PRIM2: variants seen among roughly 807,000 people sequenced by gnomAD.
PRIM2 encodes the protein DNA primase subunit 2.
Under a neutral mutation model 67.3 loss-of-function variants are expected in PRIM2, and 39 were observed. The observed-to-expected ratio is 0.58, with a 90% CI of 0.45 to 0.76. The LOEUF (loss-of-function observed/expected upper bound fraction) is 0.76. PRIM2 is among the 30% of genes least tolerant of loss of function. The probability of loss-of-function intolerance (pLI) is 0.00; values close to 1 mark genes in which losing one functional copy is unlikely to be tolerated. For missense variants in PRIM2, 398 were observed against 598.7 expected, an observed-to-expected ratio of 0.66 and a Z score of 3.50; for synonymous variants, 143 against 198.7, an observed-to-expected ratio of 0.72 and a Z score of 2.36.
intron 7 of PRIM2, among the ~76,000 whole-genome samples, chr6:57,439,404 GTTTTTTTTTT>G (rs149436085): frequency 2.8e-3 from 161 of 57,038 alleles, no homozygotes; most frequent in African/African-American, 8.3e-3. Flanking sequence ...GAGGTACTCT[GTTTTTTTTTT>G]TTTTTTTTTT....
chr6:57,606,367 G>C lies in PRIM2; in HGVS notation c.1148-8G>C. On this transcript the variant is annotated splice_polypyrimidine_tract_variant and splice_region_variant and intron_variant, in intron 11 of 13. Coordinates refer to ENST00000615550, the MANE Select transcript of PRIM2 (RefSeq NM_000947.5). ...TTGTTTGTGTGCTGGCTTATTTTTTGTTGTCAGGGTGCCCATTCCGTCACA... is the reference window on the plus strand; with the variant it reads ...TTGTTTGTGTGCTGGCTTATTTTTTCTTGTCAGGGTGCCCATTCCGTCACA... The C allele has an allele frequency of 5.0e-6, 8 of 1,586,428 alleles. No homozygotes were observed. Among genetic ancestry groups the C allele is most frequent in the Non-Finnish European group, 6.0e-6 (7 of 1,162,886 alleles).
the PRIM2 span, among the ~76,000 whole-genome samples, chr6:57,308,365 C>A: frequency 1.3e-5 from 2 of 152,136 alleles, no homozygotes; most frequent in East Asian, 3.8e-4. Flanking sequence ...TCCAGTGTTC[C>A]ACCCTCCTCA....
At chr6:57,477,280 A>G (rs1382683833) in intron 7 of PRIM2, among the ~76,000 whole-genome samples, 1 of 152,204 alleles carries the variant, frequency 6.6e-6, no homozygotes, top group Non-Finnish European at 1.5e-5. Flanking sequence ...GGCATGAGCT[A>G]CTACTGTGCC....
At chr6:57,267,660 G>C in the PRIM2 span, among the ~76,000 whole-genome samples, 1 of 151,600 alleles carries the variant, frequency 6.6e-6, no homozygotes, top group Admixed American at 6.6e-5. Flanking sequence ...TGTAATTCCA[G>C]CACTTTGGGA....
chr6:57,232,654 A>C, the PRIM2 span, among the ~76,000 whole-genome samples: 1 of 152,242 alleles, frequency 6.6e-6, no homozygotes, highest in Non-Finnish European at 1.5e-5. Flanking sequence ...CTAATTTATT[A>C]ACCTGTAATA....
intron 13 of PRIM2, among the ~76,000 whole-genome samples, chr6:57,632,740 C>T: frequency 6.6e-6 from 1 of 152,220 alleles, no homozygotes; most frequent in East Asian, 1.9e-4. Flanking sequence ...CCTAGAAGAA[C>T]CAAGGCTCTT....
At chr6:57,251,012 G>T in the PRIM2 span, among the ~76,000 whole-genome samples, 2 of 152,100 alleles carry the variant, frequency 1.3e-5, no homozygotes, top group Non-Finnish European at 2.9e-5. Context: ...CTTGTCCCAA[G>T]CATTTCAAAT....
chr6:57,579,718 G>A (rs1234625581), intron 10 of PRIM2, among the ~76,000 whole-genome samples: 3 of 152,102 alleles, frequency 2.0e-5, no homozygotes, highest in African/African-American at 7.2e-5. Context: ...CCACTAGAGG[G>A]TAGCCCTGGG....
chr6:57,264,519 A>T, the PRIM2 span, among the ~76,000 whole-genome samples: 1 of 152,018 alleles, frequency 6.6e-6, no homozygotes, highest in Non-Finnish European at 1.5e-5. Flanking sequence ...TTATCATTGA[A>T]TACACTGGTA....
the PRIM2 span, among the ~76,000 whole-genome samples, chr6:57,235,232 G>A: frequency 6.6e-6 from 1 of 152,122 alleles, no homozygotes. Context: ...GGAGGCCAAG[G>A]CAAGCAGATC....
At chr6:57,544,184 G>A (rs1775237657) in intron 10 of PRIM2, among the ~76,000 whole-genome samples, 1 of 151,980 alleles carries the variant, frequency 6.6e-6, no homozygotes, top group Non-Finnish European at 1.5e-5. Flanking sequence ...AGTATTTATT[G>A]GTGAGAGAGC....
At chr6:57,449,319 CT>C (rs1160076756) in intron 7 of PRIM2, among the ~76,000 whole-genome samples, 1 of 152,116 alleles carries the variant, frequency 6.6e-6, no homozygotes, top group Non-Finnish European at 1.5e-5. Context: ...TAGGAAAAGT[CT>C]TTAAACAGTT....
Position 57,592,655 on chromosome 6 carries a change from G to C in PRIM2, c.1021-8438G>C, listed in dbSNP as rs1259240810. Among the ~76,000 whole-genome samples, 182 of 152,226 alleles carry C rather than the reference G, an allele frequency of 1.2e-3. 1 individual carries two copies. Among genetic ancestry groups the C allele is most frequent in the African/African-American group, 4.3e-3 (178 of 41,554 alleles). On this transcript the variant is annotated intron_variant, in intron 10 of 13. Coordinates refer to ENST00000615550, the MANE Select transcript of PRIM2 (RefSeq NM_000947.5). ...AAAAATACAAAAACTAGCTGGGCTGGTGGAGGGCACTTGTAATCCCAGCTA... is the reference window on the plus strand; with the variant it reads ...AAAAATACAAAAACTAGCTGGGCTGCTGGAGGGCACTTGTAATCCCAGCTA...
chr6:57,290,565 C>A, the PRIM2 span, among the ~76,000 whole-genome samples: 1 of 152,170 alleles, frequency 6.6e-6, no homozygotes, highest in Non-Finnish European at 1.5e-5. Context: ...CTTCTCAGCA[C>A]CACGTCGCAC....
chr6:57,576,053 C>T (rs1296142833), intron 10 of PRIM2, among the ~76,000 whole-genome samples: 15 of 152,154 alleles, frequency 9.9e-5, no homozygotes, highest in Non-Finnish European at 1.9e-4. Flanking sequence ...GCTGGGATTA[C>T]AGGCGTGAGC....
intron 7 of PRIM2, among the ~76,000 whole-genome samples, chr6:57,396,214 C>T (rs1770508649): frequency 6.6e-6 from 1 of 152,118 alleles, no homozygotes; most frequent in Admixed American, 6.6e-5. Flanking sequence ...TCTTTGTTGA[C>T]TTTCTGTCTT....
In PRIM2 at chr6:57,410,232, G is replaced by T. The variant is rs9464471; in HGVS notation, c.693+28064G>T. On this transcript the variant is annotated intron_variant, in intron 7 of 13. Transcript: ENST00000615550. ...CCAGCTACTCAGGAGGCTGAGGCAG[G>T]AGAATTGCTTGAATCTGGGAGGCAG... 9.1e-3 allele frequency among the ~76,000 whole-genome samples: 1,376 copies of T among 151,102 alleles called. 18 individuals carry two copies. Among genetic ancestry groups the T allele is most frequent in the African/African-American group, 0.032 (1,297 of 41,146 alleles).
intron 10 of PRIM2, among the ~76,000 whole-genome samples, chr6:57,550,269 A>G (rs1320914161): frequency 6.6e-6 from 1 of 152,184 alleles, no homozygotes; most frequent in African/African-American, 2.4e-5. Flanking sequence ...GGTGTATAAT[A>G]AAGATATGTG....
intron 10 of PRIM2, among the ~76,000 whole-genome samples, chr6:57,600,734 G>A (rs1158549202): frequency 8.5e-5 from 13 of 152,116 alleles, no homozygotes; most frequent in Admixed American, 2.6e-4. Context: ...GGGGAAGGTG[G>A]ATAGAAAAGA....
Sources: gnomAD v4.1 joint callset for allele counts (sites outside exome capture counted in the v4.1 genomes callset) on GRCh38, gnomAD v4.1.1 for gene constraint, MANE v1.5 for transcripts, NCBI Gene and HGNC (gene_info 2026-07-23, HGNC 2026-07-21) for gene names.